STRBP: variants seen among roughly 807,000 people sequenced by gnomAD.
STRBP encodes the protein spermatid perinuclear RNA-binding protein.
A neutral mutation model predicts 80.1 loss-of-function variants in STRBP; 13 were observed. That is an observed-to-expected ratio of 0.16 (90% CI 0.11 to 0.26). The LOEUF is 0.26. STRBP is among the 10% of genes least tolerant of loss of function. The pLI, the probability that STRBP is intolerant of heterozygous loss-of-function variation, is 1.00. For missense variants in STRBP, 485 were observed against 815.2 expected (o/e 0.59, Z 4.93); for synonymous variants, 284 against 291.2 (o/e 0.98, Z 0.25).
Position 123,122,933 on chromosome 9 carries a change from A to C in STRBP, c.*2664T>G. 1 of 985,466 alleles carries C rather than the reference A, an allele frequency of 1.0e-6. No homozygotes were observed. The highest frequency in any genetic ancestry group is 1.2e-6 in the Non-Finnish European group (1 of 829,940). The allele number at this position is 985,466 out of a possible 1,614,324, so 61.0% of individuals were successfully genotyped here. A position where few individuals can be genotyped will look rare whatever the true frequency, so the allele number is the denominator to read the frequency against. On this transcript the variant is annotated 3_prime_UTR_variant, in exon 19 of 19. Coordinates refer to ENST00000348403, the MANE Select transcript of STRBP (RefSeq NM_018387.5). Reference sequence around the variant, plus strand: ...ACAGATATTGCTAGGTTTCCAAAGGAAAAGTTTTAAAACAGACACCGTGGC... The same window carrying C: ...ACAGATATTGCTAGGTTTCCAAAGGCAAAGTTTTAAAACAGACACCGTGGC...
chr9:123,199,129 G>T (rs2039216952), intron 2 of STRBP, among the ~76,000 whole-genome samples: 1 of 152,084 alleles, frequency 6.6e-6, no homozygotes, highest in Non-Finnish European at 1.5e-5. Context: ...TAGAGATGGG[G>T]TTTCATCATT....
chr9:123,265,435 C>A (rs532597638), intron 1 of STRBP, among the ~76,000 whole-genome samples: 9 of 152,186 alleles, frequency 5.9e-5, no homozygotes, highest in Non-Finnish European at 1.3e-4. Flanking sequence ...CTACACATTA[C>A]GTGAAGCCCA....
chr9:123,239,101 C>T (rs908965987), intron 1 of STRBP, among the ~76,000 whole-genome samples: 1 of 152,100 alleles, frequency 6.6e-6, no homozygotes, highest in Admixed American at 6.5e-5. Flanking sequence ...CTAGGCTGGG[C>T]GCGGTAGCTC....
chr9:123,170,595 C>T (rs1259221702), intron 5 of STRBP, among the ~76,000 whole-genome samples: 1 of 152,154 alleles, frequency 6.6e-6, no homozygotes, highest in African/African-American at 2.4e-5. Flanking sequence ...AAACAAATAA[C>T]TTCTTCCCTT....
At chr9:123,230,545 G>A (rs115189828) in intron 2 of STRBP, among the ~76,000 whole-genome samples, 2,154 of 152,226 alleles carry the variant, frequency 0.014, 51 homozygotes, top group African/African-American at 0.049. Context: ...GTAAGCAACC[G>A]TCCTTTCCGT....
intron 2 of STRBP, among the ~76,000 whole-genome samples, chr9:123,234,553 A>G (rs1175349479): frequency 6.6e-6 from 1 of 152,258 alleles, no homozygotes; most frequent in Non-Finnish European, 1.5e-5. Flanking sequence ...ACCTGGACTT[A>G]TCACTAAAAA....
At chr9:123,209,238 G>A (rs1220171232) in intron 2 of STRBP, among the ~76,000 whole-genome samples, 3 of 152,132 alleles carry the variant, frequency 2.0e-5, no homozygotes, top group African/African-American at 7.2e-5. Flanking sequence ...CTCAGCTGGG[G>A]CACAGTTAAA....
At chr9:123,196,924 G>T (rs1382625181) in intron 2 of STRBP, among the ~76,000 whole-genome samples, 1 of 152,106 alleles carries the variant, frequency 6.6e-6, no homozygotes, top group African/African-American at 2.4e-5. Context: ...CATCGAAAAG[G>T]TAACTGCACT....
chr9:123,199,493 T>C (rs1588087477), intron 2 of STRBP, among the ~76,000 whole-genome samples: 1 of 152,260 alleles, frequency 6.6e-6, no homozygotes. Context: ...TTCACAATAT[T>C]GATTCTTCCA....
intron 11 of STRBP, among the ~76,000 whole-genome samples, chr9:123,157,073 C>T (rs1324359705): frequency 6.6e-6 from 1 of 152,078 alleles, no homozygotes; most frequent in African/African-American, 2.4e-5. Flanking sequence ...GAGAGATGAG[C>T]TAACTGCTCA....
At position 123,121,665 on chromosome 9, in the gene STRBP, G is replaced by A. The variant is rs570495506; in HGVS notation, c.*3932C>T. 12 of 117,220 alleles carry A rather than the reference G, an allele frequency of 1.0e-4. No homozygotes were observed. The highest frequency in any genetic ancestry group is 1.5e-4 in the Non-Finnish European group (8 of 54,794). The allele number at this position is 117,220 out of a possible 1,614,324, so 7.3% of individuals were successfully genotyped here. A position where few individuals can be genotyped will look rare whatever the true frequency, so the allele number is the denominator to read the frequency against. ...TTGCTTTTTTCTATGGCTTCTTGCT[G>A]TTGTTGTATTAGGGCATACAACACA... On this transcript the variant is annotated 3_prime_UTR_variant, in exon 19 of 19. Coordinates refer to ENST00000348403, the MANE Select transcript of STRBP (RefSeq NM_018387.5).
intron 1 of STRBP, among the ~76,000 whole-genome samples, chr9:123,240,897 T>C (rs1422713817): frequency 1.3e-5 from 2 of 152,184 alleles, no homozygotes; most frequent in Non-Finnish European, 2.9e-5. Flanking sequence ...ATAAAGTGAT[T>C]GGCCGGGCAT....
chr9:123,131,962 G>T (rs2036155647), intron 17 of STRBP, among the ~76,000 whole-genome samples: 1 of 152,160 alleles, frequency 6.6e-6, no homozygotes, highest in Admixed American at 6.6e-5. Flanking sequence ...ATTTTATCTT[G>T]ATCAGTATCT....
intron 2 of STRBP, among the ~76,000 whole-genome samples, chr9:123,231,556 TA>T (rs2040398544): frequency 6.6e-6 from 1 of 152,200 alleles, no homozygotes; most frequent in Non-Finnish European, 1.5e-5. Flanking sequence ...GTATACCAAT[TA>T]ATCCAGTTAC....
chr9:123,247,954 C>T (rs1463245920), intron 1 of STRBP, among the ~76,000 whole-genome samples: 3 of 152,022 alleles, frequency 2.0e-5, no homozygotes, highest in African/African-American at 4.8e-5. Context: ...CCTTCTATTG[C>T]TAGGCACTTT....
At chr9:123,218,665 G>A (rs142327667) in intron 2 of STRBP, among the ~76,000 whole-genome samples, 107 of 152,190 alleles carry the variant, frequency 7.0e-4, no homozygotes, top group African/African-American at 2.3e-3. Context: ...CACCGCGCCC[G>A]GCCTAAATAT....
In STRBP at chr9:123,115,803, C is replaced by G. The variant is rs1016667738; in HGVS notation, c.*84+126G>C. 1 of 348,712 alleles carries G rather than the reference C, an allele frequency of 2.9e-6. No individual in the cohort carries two copies. The highest frequency in any genetic ancestry group is 5.7e-6 in the Non-Finnish European group (1 of 176,916). 21.6% of individuals were successfully genotyped at this position (348,712 alleles called of 1,614,324 possible). A position where few individuals can be genotyped will look rare whatever the true frequency, so the allele number is the denominator to read the frequency against. ...GAGCTCATGTCGCACCTCAGCTGCT[C>G]TCTCAAGGCTGCGTCTGTCATCGCG... is the stretch of plus-strand genomic sequence containing the variant. On this transcript the variant is annotated intron_variant and NMD_transcript_variant, in intron 3 of 3. Transcript: ENST00000471564. The surrounding 1 kb of genome is among the most constrained non-coding windows in gnomAD (Gnocchi z 5.0).
intron 2 of STRBP, among the ~76,000 whole-genome samples, chr9:123,201,994 T>G (rs1232432958): frequency 6.6e-6 from 1 of 152,258 alleles, no homozygotes; most frequent in Non-Finnish European, 1.5e-5. Context: ...TATTATATAG[T>G]GACTATATTT....
intron 5 of STRBP, 89 bp downstream of exon 5, chr9:123,173,588 T>G (rs1173449734): frequency 6.5e-6 from 9 of 1,391,932 alleles, no homozygotes; most frequent in Admixed American, 4.4e-5. Context: ...TATTAGCTAT[T>G]AGCAATTCTG....
Sources: allele counts gnomAD v4.1 joint callset (sites outside exome capture counted in the v4.1 genomes callset), GRCh38; gene constraint gnomAD v4.1.1; non-coding constraint Gnocchi (gnomAD v3.1); transcripts MANE v1.5; gene names NCBI Gene and HGNC (gene_info 2026-07-23, HGNC 2026-07-21).